Variants in CSGALNACT1 observed in about 807,000 individuals in gnomAD.
CSGALNACT1 encodes chondroitin sulfate N-acetylgalactosaminyltransferase 1.
CSGALNACT1 carries 52 observed loss-of-function variants against 51.0 expected under a neutral mutation model. The observed-to-expected ratio is 1.02, with a 90% confidence interval of 0.82 to 1.29. The LOEUF is 1.29. Among genes scored for constraint, CSGALNACT1 ranks in the 50% most tolerant of loss-of-function variants. CSGALNACT1 has a pLI of 0.00. For missense variants in CSGALNACT1, 935 were observed against 679.2 expected (o/e 1.38, Z -4.19); for synonymous variants, 341 against 254.4 (o/e 1.34, Z -3.24).
chr8:19,515,585 T>G (rs2079363993), intron 3 of CSGALNACT1, among the ~76,000 whole-genome samples: 1 of 152,214 alleles, frequency 6.6e-6, no homozygotes, highest in Admixed American at 6.5e-5. Context: ...AGAATTCTGA[T>G]TCAATTTCCC....
intron 1 of CSGALNACT1, among the ~76,000 whole-genome samples, chr8:19,620,647 T>C (rs2053703194): frequency 6.6e-6 from 1 of 152,118 alleles, no homozygotes; most frequent in Non-Finnish European, 1.5e-5. Flanking sequence ...GTTGCCCAGG[T>C]AGGTCTTCAA....
chr8:19,673,971 G>A (rs376210802), intron 1 of CSGALNACT1, among the ~76,000 whole-genome samples: 37 of 152,192 alleles, frequency 2.4e-4, no homozygotes, highest in East Asian at 2.1e-3. Context: ...CTTAGGTGAA[G>A]GGCAGAAGGC....
At chr8:19,625,745 GA>G (rs1327803430) in intron 1 of CSGALNACT1, among the ~76,000 whole-genome samples, 5 of 152,184 alleles carry the variant, frequency 3.3e-5, no homozygotes, top group Non-Finnish European at 5.9e-5. Flanking sequence ...GTAGGCTTAA[GA>G]GAGGGGGCCT....
intron 1 of CSGALNACT1, among the ~76,000 whole-genome samples, chr8:19,710,325 T>C (rs569860085): frequency 2.0e-5 from 3 of 152,316 alleles, no homozygotes; most frequent in Non-Finnish European, 4.4e-5. Flanking sequence ...TTCAGCAAGA[T>C]TGCTGCAGTC....
intron 1 of CSGALNACT1, among the ~76,000 whole-genome samples, chr8:19,692,468 G>A (rs754716655): frequency 1.3e-4 from 20 of 152,166 alleles, no homozygotes; most frequent in Non-Finnish European, 2.2e-4. Context: ...CTACGCTCAT[G>A]GTAAGGGAGA....
chr8:19,668,900 G>A (rs2059582774), intron 1 of CSGALNACT1, among the ~76,000 whole-genome samples: 1 of 152,140 alleles, frequency 6.6e-6, no homozygotes, highest in Non-Finnish European at 1.5e-5. Flanking sequence ...CGTTGGATAA[G>A]GAACACCCTT....
In CSGALNACT1 at chr8:19,508,893, G is replaced by A. The variant is rs138739027; in HGVS notation, c.-296-2763C>T. ...TAAAACTGGAATATCTTTTTGTTCT[G>A]TTCTATAATTTTCTTCAAGATCTAG... On this transcript the variant is annotated intron_variant, in intron 3 of 9. Coordinates refer to ENST00000454498, the Ensembl canonical transcript of CSGALNACT1. Among the ~76,000 whole-genome samples, 781 of 152,108 alleles carry A rather than the reference G, an allele frequency of 5.1e-3. 2 individuals are homozygous for A. The highest frequency in any genetic ancestry group is 7.3e-3 in the Non-Finnish European group (493 of 67,972).
At chr8:19,633,247 A>G (rs562327232) in intron 1 of CSGALNACT1, among the ~76,000 whole-genome samples, 1 of 152,122 alleles carries the variant, frequency 6.6e-6, no homozygotes, top group South Asian at 2.1e-4. Context: ...GAGGCTGGAG[A>G]GTTCCAAGTA....
intron 1 of CSGALNACT1, among the ~76,000 whole-genome samples, chr8:19,748,873 G>A (rs2064853001): frequency 6.6e-6 from 1 of 152,096 alleles, no homozygotes; most frequent in African/African-American, 2.4e-5. Context: ...ACTGAGGCAG[G>A]AGGATCGCTT....
chr8:19,724,558 C>T lies in CSGALNACT1; in HGVS notation c.-297+33292G>A, dbSNP rs370983194. On this transcript the variant is annotated intron_variant, in intron 1 of 1. Transcript: ENST00000517494. ...GGATAATTTCTCCATCTCAAGATCC[C>T]TCCCTTCATCACATCAAACTCCCTT... Among the ~76,000 whole-genome samples the T allele has an allele frequency of 1.5e-3, 234 of 152,294 alleles. 1 individual carries two copies. The highest frequency in any genetic ancestry group is 5.4e-3 in the African/African-American group (224 of 41,562).
chr8:19,407,905 TTG>T (rs60746708), intron 9 of CSGALNACT1, among the ~76,000 whole-genome samples: 4,125 of 112,826 alleles, frequency 0.037, 338 homozygotes, highest in African/African-American at 0.1. Context: ...TGTATATGAA[TTG>T]TGTGTGTGTG....
At chr8:19,495,700 A>C (rs57321774) in intron 4 of CSGALNACT1, among the ~76,000 whole-genome samples, 33,190 of 152,132 alleles carry the variant, frequency 0.22, 4,075 homozygotes, top group African/African-American at 0.32. Context: ...CCAGAAAAAG[A>C]AGCACAAGAT....
Position 19,455,377 on chromosome 8 carries a change from G to C in CSGALNACT1, c.851+3049C>G, listed in dbSNP as rs117867986. Among the ~76,000 whole-genome samples the C allele has an allele frequency of 1.6e-3, 246 of 152,274 alleles. 7 individuals carry two copies. The East Asian group carries it at 0.045, about 28-fold the overall frequency. On this transcript the variant is annotated intron_variant, in intron 5 of 9. Transcript: ENST00000454498. ...TGTCAACCACAGTTCACAGTCTCCA[G>C]TCTGGGGATGGAAAGGAATTTATAA...
intron 4 of CSGALNACT1, among the ~76,000 whole-genome samples, chr8:19,503,302 G>A (rs1421540296): frequency 6.6e-6 from 1 of 152,162 alleles, no homozygotes; most frequent in Non-Finnish European, 1.5e-5. Flanking sequence ...TAGCTATAAT[G>A]TGTCTCTAAA....
chr8:19,652,073 G>A (rs141090856), intron 1 of CSGALNACT1, among the ~76,000 whole-genome samples: 194 of 152,042 alleles, frequency 1.3e-3, no homozygotes, highest in African/African-American at 4.4e-3. Flanking sequence ...GGAACTACAC[G>A]TGTACACCAC....
At chr8:19,600,568 A>C (rs1322554830) in intron 2 of CSGALNACT1, among the ~76,000 whole-genome samples, 1 of 152,194 alleles carries the variant, frequency 6.6e-6, no homozygotes. Flanking sequence ...GTTGACCCTG[A>C]ATTACTTAAG....
chr8:19,509,154 A>G (rs888790834), intron 3 of CSGALNACT1, among the ~76,000 whole-genome samples: 1 of 152,246 alleles, frequency 6.6e-6, no homozygotes, highest in African/African-American at 2.4e-5. Flanking sequence ...CAGACAAAAT[A>G]TCTCTGAACC....
chr8:19,741,560 CAA>C (rs71545567), intron 1 of CSGALNACT1, among the ~76,000 whole-genome samples: 161 of 108,778 alleles, frequency 1.5e-3, no homozygotes, highest in African/African-American at 4.5e-3. Context: ...GAGACTCCAT[CAA>C]AAAAAAAAAA....
intron 3 of CSGALNACT1, among the ~76,000 whole-genome samples, chr8:19,573,724 T>C (rs534078877): frequency 8.1e-4 from 124 of 152,220 alleles, no homozygotes; most frequent in African/African-American, 2.9e-3. Flanking sequence ...CTCTTAATGA[T>C]CAATACTGCA....
Sources: gnomAD v4.1 joint callset for allele counts (sites outside exome capture counted in the v4.1 genomes callset) on GRCh38, gnomAD v4.1.1 for gene constraint, MANE v1.5 for transcripts, NCBI Gene and HGNC (gene_info 2026-07-23, HGNC 2026-07-21) for gene names.